The following DMXL1 variants were observed in gnomAD, a reference collection of about 807,000 sequenced individuals.
DMXL1 encodes the protein Dmx like 1.
Under a neutral mutation model 319.2 loss-of-function variants are expected in DMXL1, and 99 were observed. The observed-to-expected ratio is 0.31, with a 90% CI of 0.26 to 0.37. The LOEUF (loss-of-function observed/expected upper bound fraction) is 0.37, where lower values mean the gene tolerates loss of function less well. Among genes scored for constraint, DMXL1 ranks in the 10% least tolerant of loss-of-function variants. The probability of loss-of-function intolerance (pLI) is 1.00; values close to 1 mark genes in which losing one functional copy is unlikely to be tolerated. For synonymous variants in DMXL1, 1,385 were observed against 1,235.2 expected, an observed-to-expected ratio of 1.12 and a Z score of -2.54; for missense variants, 3,745 against 3,595.6, an observed-to-expected ratio of 1.04 and a Z score of -1.06.
Position 119,149,970 on chromosome 5 carries a change from C to A in DMXL1, c.4143C>A (p.Ser1381Arg), listed in dbSNP as rs1167545775. ...LRSLTISASG[S>R]TTRDPQAFNK... ...CTCTCACAATCAGTGCTAGTGGAAG[C>A]ACTACCAGAGACCCCCAGGCATTCA... Residue 1381 changes from serine to arginine, a missense_variant, in exon 18 of 44, where the codon AGC (serine) becomes AGA (arginine). Physicochemically the swap from Ser to Arg is moderately radical, Grantham distance 110 (BLOSUM62 -1). Transcript: ENST00000539542. The A allele has an allele frequency of 1.2e-6, 2 of 1,613,778 alleles. No individual in the cohort carries two copies. The highest frequency in any genetic ancestry group is 2.7e-5 in the African/African-American group (2 of 74,876).
At chr5:119,214,212 C>T (rs910236746) in intron 34 of DMXL1, among the ~76,000 whole-genome samples, 5 of 152,176 alleles carry the variant, frequency 3.3e-5, no homozygotes, top group African/African-American at 1.2e-4. Context: ...TACTCACCCA[C>T]CTATCAGGCC....
Position 119,116,443 on chromosome 5 carries a change from T to C in DMXL1, c.743+107T>C, listed in dbSNP as rs555242248. The C allele has an allele frequency of 1.8e-5, 22 of 1,214,408 alleles. No homozygotes were observed. The South Asian group carries it at 3.0e-4, about 17-fold the overall frequency. 75.2% of individuals were successfully genotyped at this position (1,214,408 alleles called of 1,614,324 possible). A position where few individuals can be genotyped will look rare whatever the true frequency, so the allele number is the denominator to read the frequency against. On this transcript the variant is annotated intron_variant, in intron 7 of 43. Coordinates refer to ENST00000539542, the MANE Select transcript of DMXL1 (RefSeq NM_001290321.3). ...TCCATAGTTACAGGACTTCTGAGCC[T>C]ATGAAGATTAGAGTAATATTAAATC...
intron 37 of DMXL1, 51 bp from the exon 38 acceptor site, chr5:119,224,658 A>G: frequency 1.5e-6 from 1 of 658,164 alleles, no homozygotes; most frequent in East Asian, 3.1e-5. Context: ...CACAATTTAA[A>G]TGTTTAATCC....
At chr5:119,232,767 AGT>A (rs1015635328) in intron 38 of DMXL1, among the ~76,000 whole-genome samples, 13 of 151,964 alleles carry the variant, frequency 8.6e-5, no homozygotes, top group South Asian at 2.1e-4. Flanking sequence ...TGAGGCCAAG[AGT>A]TAAAGACCAG....
chr5:119,133,419 G>GTT (rs1765352724), intron 11 of DMXL1, 34 bp downstream of exon 11: 1 of 1,592,948 alleles, frequency 6.3e-7, no homozygotes, highest in Admixed American at 1.7e-5. Context: ...CTACTTCCTT[G>GTT]TTTATGTGGG....
intron 1 of DMXL1, among the ~76,000 whole-genome samples, chr5:119,079,581 T>C (rs1000243719): frequency 6.6e-6 from 1 of 152,260 alleles, no homozygotes; most frequent in Admixed American, 6.5e-5. Flanking sequence ...CTTAACTCAC[T>C]ATACTTTGGC....
chr5:119,071,884 T>G (rs1186966180), intron 1 of DMXL1, among the ~76,000 whole-genome samples: 1 of 152,166 alleles, frequency 6.6e-6, no homozygotes, highest in African/African-American at 2.4e-5. Flanking sequence ...TTTTGTAGGA[T>G]TTTTAAAGTT....
chr5:119,247,300 C>A lies in DMXL1; in HGVS notation c.*81C>A. 1.1e-6 allele frequency: 1 copy of A among 939,014 alleles called. No homozygotes were observed. The highest frequency in any genetic ancestry group is 1.6e-6 in the Non-Finnish European group (1 of 634,486). The allele number at this position is 939,014 out of a possible 1,614,324, so 58.2% of individuals were successfully genotyped here. On this transcript the variant is annotated 3_prime_UTR_variant, in exon 44 of 44. Coordinates refer to ENST00000539542, the MANE Select transcript of DMXL1 (RefSeq NM_001290321.3). Reference sequence around the variant, plus strand: ...TAATATACAGTGATCATTCTCTATGCCACAAATTAGCTAATGCTTTCTTGT... The same window carrying A: ...TAATATACAGTGATCATTCTCTATGACACAAATTAGCTAATGCTTTCTTGT...
At chr5:119,116,920 T>C (rs1179573998) in intron 7 of DMXL1, among the ~76,000 whole-genome samples, 1 of 152,192 alleles carries the variant, frequency 6.6e-6, no homozygotes, top group African/African-American at 2.4e-5. Context: ...CTTTTTTTTT[T>C]CTGTAGTTCT....
intron 34 of DMXL1, among the ~76,000 whole-genome samples, chr5:119,208,900 T>G (rs574314136): frequency 6.6e-6 from 1 of 152,314 alleles, no homozygotes; most frequent in East Asian, 1.9e-4. Context: ...ACCAAACTTT[T>G]TCCTGGTGTT....
Position 119,248,574 on chromosome 5 carries a change from A to G in DMXL1, c.*1355A>G, listed in dbSNP as rs1790122441. 6.6e-6 allele frequency: 1 copy of G among 152,490 alleles called. No individual in the cohort carries two copies. The highest frequency in any genetic ancestry group is 1.5e-5 in the Non-Finnish European group (1 of 67,924). 9.4% of individuals were successfully genotyped at this position (152,490 alleles called of 1,614,324 possible). ...TTTGTTTAATAGGAAATATATAATAATAGCATTTTATGTAATAAAATATGG... is the reference window on the plus strand; with the variant it reads ...TTTGTTTAATAGGAAATATATAATAGTAGCATTTTATGTAATAAAATATGG... On this transcript the variant is annotated 3_prime_UTR_variant, in exon 44 of 44. Coordinates refer to ENST00000539542, the MANE Select transcript of DMXL1 (RefSeq NM_001290321.3).
chr5:119,077,477 A>AC, intron 1 of DMXL1, among the ~76,000 whole-genome samples: 1 of 104,274 alleles, frequency 9.6e-6, no homozygotes, highest in African/African-American at 3.5e-5. Context: ...TCTTCATCTT[A>AC]GGTTTTTTTT....
At chr5:119,158,388 T>A (rs1033859032) in intron 19 of DMXL1, among the ~76,000 whole-genome samples, 1 of 152,210 alleles carries the variant, frequency 6.6e-6, no homozygotes, top group Non-Finnish European at 1.5e-5. Context: ...TGGAGTCTTA[T>A]GTGTTTTCTG....
At chr5:119,207,693 T>C (rs1782002502) in intron 34 of DMXL1, among the ~76,000 whole-genome samples, 1 of 152,066 alleles carries the variant, frequency 6.6e-6, no homozygotes, top group Non-Finnish European at 1.5e-5. Context: ...TAATTCTTTT[T>C]GTATTTTTAG....
At chr5:119,110,964 T>A (rs1759451045) in intron 5 of DMXL1, among the ~76,000 whole-genome samples, 1 of 152,128 alleles carries the variant, frequency 6.6e-6, no homozygotes, top group Admixed American at 6.6e-5. Context: ...AATTTTTGTA[T>A]TTTTAGTAGA....
intron 15 of DMXL1, among the ~76,000 whole-genome samples, chr5:119,145,090 A>G (rs1014285656): frequency 6.6e-6 from 1 of 151,860 alleles, no homozygotes; most frequent in Non-Finnish European, 1.5e-5. Flanking sequence ...AACACTTTAC[A>G]TGAAGGCACA....
intron 13 of DMXL1, among the ~76,000 whole-genome samples, chr5:119,137,329 T>C (rs2150072052): frequency 1.3e-5 from 2 of 152,376 alleles, no homozygotes; most frequent in South Asian, 4.1e-4. Flanking sequence ...ACCAACTTGC[T>C]TTTGATTTTA....
At chr5:119,243,771 A>G (rs1047702090) in intron 42 of DMXL1, among the ~76,000 whole-genome samples, 7 of 151,832 alleles carry the variant, frequency 4.6e-5, no homozygotes, top group Non-Finnish European at 8.8e-5. Flanking sequence ...TGTCATCTCT[A>G]TTATTTCTGG....
intron 24 of DMXL1, 41 bp from the exon 25 acceptor site, chr5:119,171,735 CTG>C (rs781337275): frequency 1.3e-6 from 2 of 1,496,114 alleles, no homozygotes; most frequent in African/African-American, 1.4e-5. Context: ...TGGTTTGTAA[CTG>C]TAAATAGTTG....
Sources: allele counts gnomAD v4.1 joint callset (sites outside exome capture counted in the v4.1 genomes callset), GRCh38; gene constraint gnomAD v4.1.1; transcripts MANE v1.5; gene names NCBI Gene and HGNC (gene_info 2026-07-23, HGNC 2026-07-21).